The following SSBP3 variants were observed in gnomAD, a reference collection of about 807,000 sequenced individuals.
The protein encoded by SSBP3 is single-stranded DNA-binding protein 3.
A neutral mutation model predicts 69.6 loss-of-function variants in SSBP3; 5 were observed. The ratio of observed to expected loss-of-function variants is 0.07; its 90% CI spans 0.04 to 0.15. The LOEUF (loss-of-function observed/expected upper bound fraction) is 0.15. SSBP3 is among the 10% of genes least tolerant of loss of function. SSBP3 has a pLI of 1.00. For synonymous variants in SSBP3, 196 were observed against 193.4 expected (o/e 1.01, Z -0.11); for missense variants, 312 against 534.0 (o/e 0.58, Z 4.10).
chr1:54,295,692 C>G (rs1645691892), intron 4 of SSBP3, among the ~76,000 whole-genome samples: 1 of 152,208 alleles, frequency 6.6e-6, no homozygotes, highest in Non-Finnish European at 1.5e-5. Flanking sequence ...CTCATCTCAG[C>G]CTTTCTTCTC....
At chr1:54,365,349 CGTGTGT>C (rs151153722) in intron 4 of SSBP3, among the ~76,000 whole-genome samples, 1 of 151,176 alleles carries the variant, frequency 6.6e-6, no homozygotes, top group Middle Eastern at 3.2e-3. Context: ...GAAAGGTGTG[CGTGTGT>C]GTGTGTGTGT....
At chr1:54,260,312 TCG>T (rs1473090550) in intron 5 of SSBP3, among the ~76,000 whole-genome samples, 1 of 152,236 alleles carries the variant, frequency 6.6e-6, no homozygotes, top group Non-Finnish European at 1.5e-5. Context: ...GCCTCCTCCC[TCG>T]CGTCCTTCCC....
intron 14 of SSBP3, among the ~76,000 whole-genome samples, chr1:54,234,633 C>T (rs1025993986): frequency 2.6e-5 from 4 of 152,088 alleles, no homozygotes; most frequent in African/African-American, 9.7e-5. Context: ...ACAAACATTA[C>T]TAATATTTAA....
At chr1:54,268,474 C>A (rs564360651) in intron 5 of SSBP3, among the ~76,000 whole-genome samples, 1 of 152,156 alleles carries the variant, frequency 6.6e-6, no homozygotes, top group East Asian at 1.9e-4. Flanking sequence ...TGCCCCTTCA[C>A]CCCCGACAGT....
rs1308959900 is a variant in SSBP3, at chr1:54,396,213, AAAAAAAC to A, written c.276+5641_276+5647del. On this transcript the variant is annotated intron_variant, in intron 4 of 17. Transcript: ENST00000610401. ...TCTCAGAAAAAAAAAAAAAAAAAAA[AAAAAAAC>A]AACCCCATTACCCCAGCGAATCAAA... Among the ~76,000 whole-genome samples, 16 of 149,000 alleles carry A rather than the reference AAAAAAAC, an allele frequency of 1.1e-4. 1 individual carries two copies. In the East Asian group the frequency reaches 1.8e-3, roughly 16 times the overall value.
chr1:54,231,170 G>C (rs775060219), intron 14 of SSBP3, among the ~76,000 whole-genome samples: 1 of 152,220 alleles, frequency 6.6e-6, no homozygotes, highest in Non-Finnish European at 1.5e-5. Context: ...AGCAGTGTCT[G>C]AGAGTTCCAA....
chr1:54,373,132 AC>A (rs1261989415), intron 4 of SSBP3, among the ~76,000 whole-genome samples: 2 of 152,238 alleles, frequency 1.3e-5, no homozygotes, highest in Admixed American at 1.3e-4. Context: ...CTGCCACCTG[AC>A]AGCATTGCTT....
intron 11 of SSBP3, among the ~76,000 whole-genome samples, chr1:54,241,789 G>A (rs1421759873): frequency 6.6e-6 from 1 of 152,222 alleles, no homozygotes; most frequent in Non-Finnish European, 1.5e-5. Context: ...GAGAGGGCAG[G>A]AAACAGCTTT....
chr1:54,331,957 G>C (rs1009004778), intron 4 of SSBP3, among the ~76,000 whole-genome samples: 3 of 152,186 alleles, frequency 2.0e-5, no homozygotes, highest in African/African-American at 4.8e-5. Context: ...TGTGGCTCTT[G>C]CTCCCTTTCA....
At chr1:54,281,516 A>C (rs1435287543) in exon 5 of SSBP3, 5 of 1,563,076 alleles carry the variant, frequency 3.2e-6, no homozygotes, top group Middle Eastern at 3.3e-4. Context: ...GGCTCGGGGC[A>C]GCTGCTGCAC....
In SSBP3 at chr1:54,228,362, G is replaced by A; in HGVS notation, c.1036-6C>T. The A allele has an allele frequency of 6.2e-7, 1 of 1,614,202 alleles. No homozygotes were observed. Among genetic ancestry groups the A allele is most frequent in the Non-Finnish European group, 8.5e-7 (1 of 1,180,032 alleles). The stretch of plus-strand genomic sequence containing the variant: ...CTTATGTTGTTAGGAGAATTCTGTG[G>A]AAAGAGGAGAGGAGGTGAGCACCTG... On this transcript the variant is annotated splice_polypyrimidine_tract_variant and splice_region_variant and intron_variant, in intron 16 of 17. Transcript: ENST00000610401.
At chr1:54,293,496 G>T (rs1645645301) in intron 4 of SSBP3, among the ~76,000 whole-genome samples, 1 of 152,080 alleles carries the variant, frequency 6.6e-6, no homozygotes, top group South Asian at 2.1e-4. Context: ...CATTTATTGG[G>T]GTCCCATTCA....
At chr1:54,313,859 C>T (rs1238155798) in intron 4 of SSBP3, among the ~76,000 whole-genome samples, 1 of 152,006 alleles carries the variant, frequency 6.6e-6, no homozygotes, top group African/African-American at 2.4e-5. Flanking sequence ...CTCCGCCTCC[C>T]AGGTTCAAGC....
chr1:54,243,371 C>T, intron 9 of SSBP3, 72 bp from the exon 10 acceptor site: 2 of 1,538,990 alleles, frequency 1.3e-6, no homozygotes, highest in South Asian at 1.1e-5. Context: ...GAGAAACAAA[C>T]AGACAAAACA....
chr1:54,331,373 G>A lies in SSBP3; in HGVS notation c.277-49846C>T, dbSNP rs143053734. Among the ~76,000 whole-genome samples the A allele has an allele frequency of 2.5e-4, 38 of 152,268 alleles. No individual in the cohort carries two copies. The East Asian group carries it at 6.6e-3, about 26-fold the overall frequency. ...TTCACGTCCAGATACTTGGGTTCGG[G>A]TTACATGAAACAGGATTAGTTCAGA... is the stretch of plus-strand genomic sequence containing the variant. On this transcript the variant is annotated intron_variant, in intron 4 of 17. Transcript: ENST00000610401.
intron 5 of SSBP3, among the ~76,000 whole-genome samples, chr1:54,270,163 G>A (rs910330142): frequency 2.6e-5 from 4 of 152,192 alleles, no homozygotes; most frequent in Admixed American, 6.5e-5. Context: ...AGGGAGAGCT[G>A]CTTCTGCTTT....
chr1:54,226,846 C>A, exon 18 of SSBP3: 1 of 432,832 alleles, frequency 2.3e-6, no homozygotes, highest in South Asian at 2.2e-5. Context: ...AGAAAAGGTC[C>A]TTTGGGGAAA....
intron 4 of SSBP3, among the ~76,000 whole-genome samples, chr1:54,378,771 G>A (rs533081435): frequency 2.0e-5 from 3 of 152,278 alleles, no homozygotes; most frequent in South Asian, 2.1e-4. Context: ...GGAAGGAACC[G>A]CTGGGGGAGG....
At chr1:54,278,918 T>C (rs544979999) in intron 5 of SSBP3, among the ~76,000 whole-genome samples, 39 of 152,356 alleles carry the variant, frequency 2.6e-4, no homozygotes, top group Non-Finnish European at 4.1e-4. Context: ...CAATAGCTAA[T>C]ATTCCTGTTG....
Sources: allele counts gnomAD v4.1 joint callset (sites outside exome capture counted in the v4.1 genomes callset), GRCh38; gene constraint gnomAD v4.1.1; transcripts MANE v1.5; gene names NCBI Gene and HGNC (gene_info 2026-07-23, HGNC 2026-07-21).